Variants in LMTK3 observed in about 807,000 individuals in gnomAD.
LMTK3 encodes the protein lemur tail kinase 3.
LMTK3 carries 27 observed loss-of-function variants against 116.7 expected under a neutral mutation model. The observed-to-expected ratio is 0.23, with a 90% confidence interval of 0.17 to 0.32. LMTK3 has a LOEUF of 0.32. Among genes scored for constraint, LMTK3 ranks in the 10% least tolerant of loss-of-function variants. LMTK3 has a pLI of 1.00. For missense variants in LMTK3, 1,764 were observed against 2,068.5 expected (o/e 0.85, Z 2.86); for synonymous variants, 965 against 971.0 (o/e 0.99, Z 0.11).
At chr19:48,493,520 A>C (rs1601043336) in intron 12 of LMTK3, among the ~76,000 whole-genome samples, 174 bp downstream of exon 12, 2 of 101,766 alleles carry the variant, frequency 2.0e-5, no homozygotes, top group Non-Finnish European at 2.1e-5. Flanking sequence ...GCCTCCCTCC[A>C]GGCCCCGCCC....
In LMTK3 at chr19:48,511,608, TGGCGGCTGGGGAGGAGGGGGG is replaced by T; in HGVS notation, c.-53_-33del. ...GAGGATGGCAGGGAGGTGGAGGTGGTGGCGGCTGGGGAGGAGGGGGGGGCGGGCCCTCAGCCCCCAGCCATG... is the reference window on the plus strand; with the variant it reads ...GAGGATGGCAGGGAGGTGGAGGTGGTGGCGGGCCCTCAGCCCCCAGCCATG... On this transcript the variant is annotated 5_prime_UTR_variant, in exon 1 of 15. Transcript: ENST00000600059. 6.3e-6 allele frequency: 1 copy of T among 159,220 alleles called. No individual in the cohort carries two copies. The highest frequency in any genetic ancestry group is 1.1e-5 in the Non-Finnish European group (1 of 90,096). The allele number at this position is 159,220 out of a possible 1,614,324, so 9.9% of individuals were successfully genotyped here.
At chr19:48,490,524 CAAAAAAAAA>C (rs397860073) in intron 14 of LMTK3, among the ~76,000 whole-genome samples, 1 of 48,082 alleles carries the variant, frequency 2.1e-5, no homozygotes, top group Admixed American at 2.0e-4. Context: ...GACTCCGTCT[CAAAAAAAAA>C]AAAAAAAAAA....
intron 7 of LMTK3, among the ~76,000 whole-genome samples, chr19:48,501,765 G>A (rs1226721407): frequency 6.7e-6 from 1 of 149,742 alleles, no homozygotes; most frequent in African/African-American, 2.5e-5. Context: ...GTTCCTCCAA[G>A]TCTCCTCTCC....
chr19:48,510,343 A>G, intron 2 of LMTK3, 116 bp downstream of exon 2: 1 of 1,452,284 alleles, frequency 6.9e-7, no homozygotes, highest in Non-Finnish European at 9.3e-7. Flanking sequence ...CCATAGCTTC[A>G]AGCTGGAAGG....
intron 14 of LMTK3, 130 bp from the exon 15 acceptor site, chr19:48,485,919 GTCCTCAC>G: frequency 2.3e-6 from 2 of 880,342 alleles, no homozygotes; most frequent in South Asian, 3.5e-5. Flanking sequence ...TTCCCTCTCT[GTCCTCAC>G]CTACCCCTCT....
At chr19:48,507,553 G>A (rs1972591260) in intron 5 of LMTK3, among the ~76,000 whole-genome samples, 1 of 152,122 alleles carries the variant, frequency 6.6e-6, no homozygotes, top group Non-Finnish European at 1.5e-5. Context: ...GATATGATGA[G>A]GGTGGCTGAG....
At chr19:48,488,021 C>T (rs1441340438) in intron 14 of LMTK3, among the ~76,000 whole-genome samples, 6 of 152,200 alleles carry the variant, frequency 3.9e-5, no homozygotes, top group African/African-American at 1.4e-4. Flanking sequence ...CAGCAGCTCG[C>T]AGCCCACGCT....
At chr19:48,490,271 C>T (rs113164678) in intron 14 of LMTK3, among the ~76,000 whole-genome samples, 1 of 152,082 alleles carries the variant, frequency 6.6e-6, no homozygotes, top group Non-Finnish European at 1.5e-5. Context: ...CGCCTGTAAT[C>T]CCAGCACTTT....
rs1315055645 is a variant in LMTK3 at position 48,501,033 on chromosome 19, C to A, written c.1114G>T (p.Ala372Ser). The change falls in exon 10 of 15, where the codon GCC becomes TCC. Residue 372 changes from alanine to serine, a missense_variant. Around this residue, in one of 7 missense-constraint regions of LMTK3, gnomAD observed 271 missense variants for 478.2 expected, o/e 0.57. Transcript: ENST00000600059. ...FVVRQQHVKL[A>S]RPRLKLPYAD... ...TAAGGCAGCTTGAGCCTCGGCCGGG[C>A]CAGCTTCACATGCTGCTGGCGGACC... 2 of 1,540,164 alleles carry A rather than the reference C, an allele frequency of 1.3e-6. No individual in the cohort carries two copies. The highest frequency in any genetic ancestry group is 1.7e-6 in the Non-Finnish European group (2 of 1,145,362).
At position 48,498,227 on chromosome 19, in the gene LMTK3, C is replaced by T. The variant is rs1255356893; in HGVS notation, c.2842G>A (p.Ala948Thr). 1.9e-6 allele frequency: 3 copies of T among 1,613,510 alleles called. No homozygotes were observed. The highest frequency in any genetic ancestry group is 1.1e-5 in the South Asian group (1 of 91,078). Reference protein sequence around the residue: ...GIEEKAAENGALGSPEREEKV... With the variant: ...GIEEKAAENGTLGSPEREEKV... ...TCTTCTCTCTCGGGGGACCCCAGGGCCCCATTCTCCGCCGCCTTCTCCTCG... is the reference window on the plus strand; with the variant it reads ...TCTTCTCTCTCGGGGGACCCCAGGGTCCCATTCTCCGCCGCCTTCTCCTCG... Residue 948 changes from alanine (A) to threonine (T), a missense_variant, in exon 11 of 15, where the codon GCC (alanine) becomes ACC (threonine). By Grantham distance (58) the Ala-to-Thr change is moderately conservative. Transcript: ENST00000600059.
chr19:48,485,667 T>C lies in LMTK3; in HGVS notation c.*106A>G. On this transcript the variant is annotated 3_prime_UTR_variant, in exon 15 of 15. Transcript: ENST00000600059. ...GGGGGAGGGCCCAGCCTCGGGGGCCTCCCCAGAGGCGGCGTCTGCGGTGGT... is the reference window on the plus strand; with the variant it reads ...GGGGGAGGGCCCAGCCTCGGGGGCCCCCCCAGAGGCGGCGTCTGCGGTGGT... 7 of 1,291,752 alleles carry C rather than the reference T, an allele frequency of 5.4e-6. No homozygotes were observed. In the South Asian group the frequency reaches 7.6e-5, roughly 14 times the overall value. 80.0% of individuals were successfully genotyped at this position (1,291,752 alleles called of 1,614,324 possible).
intron 3 of LMTK3, among the ~76,000 whole-genome samples, chr19:48,509,790 C>T (rs1476948305): frequency 3.3e-5 from 5 of 152,158 alleles, no homozygotes; most frequent in Non-Finnish European, 5.9e-5. Flanking sequence ...ATCTCACCAC[C>T]GCTTGCCCCT....
chr19:48,510,618 T>C (rs1325196671), intron 1 of LMTK3, 26 bp from the exon 2 acceptor site: 1 of 1,518,678 alleles, frequency 6.6e-7, no homozygotes, highest in South Asian at 1.3e-5. Flanking sequence ...TGGGCTGGGG[T>C]CCCAGCTTCA....
chr19:48,509,470 G>A lies in LMTK3; in HGVS notation c.405C>T (p.Tyr135=). The A allele has an allele frequency of 6.4e-7, 1 of 1,560,502 alleles. No individual in the cohort carries two copies. Among genetic ancestry groups the A allele is most frequent in the Non-Finnish European group, 8.7e-7 (1 of 1,151,304 alleles). The change falls in exon 4 of 15, where the codon TAC becomes TAT. Residue 135 remains tyrosine (Y), a synonymous_variant. Coordinates refer to ENST00000600059, the MANE Select transcript of LMTK3 (RefSeq NM_001388485.1). ...PLGLSRQHLS[Y]LQEIGSGWFG... ...ACCAGCCACTCCCAATCTCCTGCAG[G>A]TAGCTCAGGTGCTGCCGGCTAAGGC...
Position 48,499,860 on chromosome 19 carries a change from A to G in LMTK3, c.1209T>C (p.Asp403=). The G allele has an allele frequency of 6.3e-6, 10 of 1,595,412 alleles. No individual in the cohort carries two copies. Among genetic ancestry groups the G allele is most frequent in the Non-Finnish European group, 6.0e-6 (7 of 1,172,804 alleles). ...RPPAQRPSAS[D]LQLQLTYLLS... is the part of the protein sequence containing the mutation. Reference sequence around the variant, plus strand: ...GCAAGTAGGTGAGCTGCAATTGGAGATCAGAGGCTGAAGGGCGCTGGGCAG... The same window carrying G: ...GCAAGTAGGTGAGCTGCAATTGGAGGTCAGAGGCTGAAGGGCGCTGGGCAG... The change falls in exon 11 of 15, where the codon GAT becomes GAC. Residue 403 remains aspartate (D), a synonymous_variant. Coordinates refer to ENST00000600059, the MANE Select transcript of LMTK3 (RefSeq NM_001388485.1).
At chr19:48,487,953 G>A (rs1212190012) in intron 14 of LMTK3, among the ~76,000 whole-genome samples, 2 of 152,138 alleles carry the variant, frequency 1.3e-5, no homozygotes, top group African/African-American at 2.4e-5. Flanking sequence ...ATTGAGCAGG[G>A]CAGAGGAGAG....
intron 14 of LMTK3, among the ~76,000 whole-genome samples, chr19:48,490,524 C>CAAAAAAAAAAAAAAAAAAAAAAAAAAAA: frequency 2.1e-5 from 1 of 48,082 alleles, no homozygotes; most frequent in Non-Finnish European, 4.4e-5. Context: ...GACTCCGTCT[C>CAAAAAAAAAAAAAAAAAAAAAAAAAAAA]AAAAAAAAAA....
chr19:48,507,392 C>T (rs1972588502), intron 5 of LMTK3, among the ~76,000 whole-genome samples: 1 of 152,160 alleles, frequency 6.6e-6, no homozygotes, highest in South Asian at 2.1e-4. Context: ...TGAGAGCCAG[C>T]AGCACTTGTG....
rs190601928 is a variant in LMTK3 at position 48,486,625 on chromosome 19, C to T, written c.4367-836G>A. Among the ~76,000 whole-genome samples the T allele has an allele frequency of 1.4e-3, 212 of 152,002 alleles. 1 individual carries two copies. The highest frequency in any genetic ancestry group is 4.7e-3 in the African/African-American group (196 of 41,448). On this transcript the variant is annotated intron_variant, in intron 14 of 14. Transcript: ENST00000600059. ...TGATCTCAGCTCACTGCAAACTCTGCCTCCTGGGTTCACGCCATTCTCCTG... is the reference window on the plus strand; with the variant it reads ...TGATCTCAGCTCACTGCAAACTCTGTCTCCTGGGTTCACGCCATTCTCCTG...
Sources: gnomAD v4.1 joint callset for allele counts (sites outside exome capture counted in the v4.1 genomes callset) on GRCh38, gnomAD v4.1.1 for gene constraint, gnomAD v4.1.1 regional missense constraint, MANE v1.5 for transcripts, NCBI Gene and HGNC (gene_info 2026-07-23, HGNC 2026-07-21) for gene names.